The following CMSS1 variants were observed in gnomAD, a reference collection of about 807,000 sequenced individuals.
CMSS1 encodes the protein protein CMSS1.
Under a neutral mutation model 43.5 loss-of-function variants are expected in CMSS1, and 33 were observed. The observed-to-expected ratio is 0.76, with a 90% confidence interval of 0.57 to 1.01. CMSS1 has a LOEUF of 1.01. Ranked by LOEUF, CMSS1 falls within the 50% of genes least tolerant of loss-of-function variation. The pLI is 0.00. For synonymous variants in CMSS1, 115 were observed against 117.2 expected, an observed-to-expected ratio of 0.98 and a Z score of 0.12; for missense variants, 313 against 326.4, an observed-to-expected ratio of 0.96 and a Z score of 0.32.
chr3:99,850,460 C>T, intron 1 of CMSS1: 1 of 1,613,990 alleles, frequency 6.2e-7, no homozygotes, highest in Non-Finnish European at 8.5e-7. Context: ...TGTAACGTCT[C>T]CCTTTCAAGC....
intron 1 of CMSS1, chr3:100,075,555 TTTTC>T (rs1397714425): frequency 6.6e-6 from 1 of 151,796 alleles, no homozygotes; most frequent in Non-Finnish European, 1.5e-5. Flanking sequence ...TTGTCTTCTC[TTTTC>T]TTTTTCTTTT....
intron 1 of CMSS1, among the ~76,000 whole-genome samples, chr3:100,050,819 C>T (rs1048431940): frequency 6.6e-6 from 1 of 152,150 alleles, no homozygotes. Context: ...CATGAACCAC[C>T]GCACCCAGCC....
intron 1 of CMSS1, among the ~76,000 whole-genome samples, chr3:100,056,646 A>G (rs1019088017): frequency 2.6e-5 from 4 of 152,080 alleles, no homozygotes; most frequent in African/African-American, 9.7e-5. Flanking sequence ...GCTGGAAACA[A>G]TAAATGTCTT....
intron 1 of CMSS1, among the ~76,000 whole-genome samples, chr3:99,889,113 T>C (rs1187859809): frequency 6.6e-6 from 1 of 152,164 alleles, no homozygotes; most frequent in Non-Finnish European, 1.5e-5. Flanking sequence ...TTTCTGTATA[T>C]AAATAAAGCT....
intron 1 of CMSS1, among the ~76,000 whole-genome samples, chr3:99,928,614 C>T (rs904042633): frequency 6.6e-6 from 1 of 152,212 alleles, no homozygotes; most frequent in Non-Finnish European, 1.5e-5. Flanking sequence ...TTTTTCCCAC[C>T]GATTTCAACA....
At chr3:99,870,926 C>T (rs1469594162) in intron 1 of CMSS1, among the ~76,000 whole-genome samples, 1 of 152,190 alleles carries the variant, frequency 6.6e-6, no homozygotes, top group Non-Finnish European at 1.5e-5. Flanking sequence ...TCATTAACCA[C>T]TGCACTGTGT....
Position 99,942,005 on chromosome 3 carries a change from A to G in CMSS1, c.64+123962A>G, listed in dbSNP as rs1238445220. Reference sequence around the variant, plus strand: ...GTGATATTAAGAATTTACTGTTTTCAGGAGATCTAGACCATCCTGGCTAAC... The same window carrying G: ...GTGATATTAAGAATTTACTGTTTTCGGGAGATCTAGACCATCCTGGCTAAC... On this transcript the variant is annotated intron_variant, in intron 1 of 9. Coordinates refer to ENST00000421999, the MANE Select transcript of CMSS1 (RefSeq NM_032359.4). Among the ~76,000 whole-genome samples, 3 of 152,218 alleles carry G rather than the reference A, an allele frequency of 2.0e-5. No homozygotes were observed. In the East Asian group the frequency reaches 5.8e-4, roughly 29 times the overall value.
At chr3:100,014,233 A>T (rs772374845) in intron 1 of CMSS1, among the ~76,000 whole-genome samples, 3 of 151,492 alleles carry the variant, frequency 2.0e-5, no homozygotes, top group Admixed American at 6.6e-5. Flanking sequence ...TTCTTTATCC[A>T]TTCATCTGTC....
rs66793218 is a variant in CMSS1, at chr3:100,115,575, GTCTCTCTCTCTCTCTCTC to G, written c.65-31362_65-31345del. 4.5e-3 allele frequency among the ~76,000 whole-genome samples: 441 copies of G among 98,028 alleles called. 1 individual carries two copies. The highest frequency in any genetic ancestry group is 0.01 in the African/African-American group (260 of 25,336). The allele number at this position is 98,028 out of a possible 152,430, so 64.3% of individuals were successfully genotyped here. ...TTTCTCTTTCTCTCTCTCTCTCTCTGTCTCTCTCTCTCTCTCTCTCTCTCTCTCTCTCTCTCTCTCTCT... is the reference window on the plus strand; with the variant it reads ...TTTCTCTTTCTCTCTCTCTCTCTCTGTCTCTCTCTCTCTCTCTCTCTCTCT... On this transcript the variant is annotated intron_variant, in intron 1 of 9. Coordinates refer to ENST00000421999, the MANE Select transcript of CMSS1 (RefSeq NM_032359.4).
chr3:99,887,793 G>C (rs1391822842), intron 1 of CMSS1, among the ~76,000 whole-genome samples: 1 of 152,166 alleles, frequency 6.6e-6, no homozygotes, highest in East Asian at 1.9e-4. Context: ...GGAGTGCAGT[G>C]GCACAATCAC....
At chr3:100,154,015 C>T (rs547479143) in intron 2 of CMSS1, among the ~76,000 whole-genome samples, 4 of 151,850 alleles carry the variant, frequency 2.6e-5, no homozygotes, top group Non-Finnish European at 4.4e-5. Flanking sequence ...CATGCCTGGC[C>T]AATTTTTGTA....
intron 1 of CMSS1, among the ~76,000 whole-genome samples, chr3:100,013,327 TC>T (rs1176958402): frequency 6.6e-6 from 1 of 152,174 alleles, no homozygotes; most frequent in East Asian, 1.9e-4. Context: ...CACTGAATCC[TC>T]CACTTCCCAG....
rs892329984 is a variant in CMSS1 at position 99,984,925 on chromosome 3, T to C, written c.65-162048T>C. On this transcript the variant is annotated intron_variant, in intron 1 of 9. Coordinates refer to ENST00000421999, the MANE Select transcript of CMSS1 (RefSeq NM_032359.4). ...AATAAGGAACTTGGACAACTGGAAT[T>C]CCCAGGTTAAATAAACTGAGGATAT... Among the ~76,000 whole-genome samples the C allele has an allele frequency of 6.6e-5, 10 of 152,258 alleles. No individual in the cohort carries two copies. In the Middle Eastern group the frequency reaches 0.01, roughly 155 times the overall value.
chr3:100,024,038 T>A (rs2064874864), intron 1 of CMSS1, among the ~76,000 whole-genome samples: 1 of 152,172 alleles, frequency 6.6e-6, no homozygotes, highest in Non-Finnish European at 1.5e-5. Flanking sequence ...GGCAAGGATA[T>A]GCCAGACTAT....
chr3:100,074,325 TG>T lies in CMSS1; in HGVS notation c.65-72645del, dbSNP rs573551838. Among the ~76,000 whole-genome samples, 32 of 152,328 alleles carry T rather than the reference TG, an allele frequency of 2.1e-4. No homozygotes were observed. The East Asian group carries it at 6.2e-3, about 29-fold the overall frequency. ...TTTCCGTTGCTGAATCCCTACACTCTGGGAACAGACAAGATGTCAATGTTGT... is the reference window on the plus strand; with the variant it reads ...TTTCCGTTGCTGAATCCCTACACTCTGGAACAGACAAGATGTCAATGTTGT... On this transcript the variant is annotated intron_variant, in intron 1 of 9. Coordinates refer to ENST00000421999, the MANE Select transcript of CMSS1 (RefSeq NM_032359.4).
At chr3:99,934,654 C>T (rs914125557) in intron 1 of CMSS1, among the ~76,000 whole-genome samples, 5 of 152,082 alleles carry the variant, frequency 3.3e-5, no homozygotes, top group African/African-American at 1.2e-4. Context: ...TAAGTAGTGC[C>T]CTTTTAGCTT....
intron 1 of CMSS1, among the ~76,000 whole-genome samples, chr3:100,023,842 C>T (rs1347682570): frequency 2.6e-5 from 4 of 152,088 alleles, no homozygotes; most frequent in Non-Finnish European, 4.4e-5. Flanking sequence ...GTGCTCATTG[C>T]CCAGGTAAAC....
intron 3 of CMSS1, among the ~76,000 whole-genome samples, chr3:100,161,796 G>A (rs2067025818): frequency 6.6e-6 from 1 of 152,086 alleles, no homozygotes; most frequent in Non-Finnish European, 1.5e-5. Flanking sequence ...AGTTATCCAA[G>A]ACCTGAGAAT....
chr3:99,835,752 A>G (rs2107494119), intron 1 of CMSS1, among the ~76,000 whole-genome samples: 1 of 152,336 alleles, frequency 6.6e-6, no homozygotes, highest in South Asian at 2.1e-4. Flanking sequence ...GGGGTAACAA[A>G]TAATTATGAG....
Sources: gnomAD v4.1 joint callset for allele counts (sites outside exome capture counted in the v4.1 genomes callset) on GRCh38, gnomAD v4.1.1 for gene constraint, MANE v1.5 for transcripts, NCBI Gene and HGNC (gene_info 2026-07-23, HGNC 2026-07-21) for gene names.